Variants in IL1R2 observed in about 807,000 individuals in gnomAD.
IL1R2 encodes the protein interleukin-1 receptor type 2.
A neutral mutation model predicts 39.5 loss-of-function variants in IL1R2; 46 were observed. The ratio of observed to expected loss-of-function variants is 1.16; its 90% CI spans 0.92 to 1.49. IL1R2 has a LOEUF of 1.49. Among genes scored for constraint, IL1R2 ranks in the 40% most tolerant of loss-of-function variants. The pLI is 0.00. For synonymous variants in IL1R2, 207 were observed against 189.6 expected (o/e 1.09, Z -0.75); for missense variants, 537 against 502.0 (o/e 1.07, Z -0.67).
intron 1 of IL1R2, among the ~76,000 whole-genome samples, chr2:102,003,940 GGTCTGT>G (rs1194371203): frequency 7.5e-4 from 109 of 145,966 alleles, no homozygotes; most frequent in East Asian, 3.3e-3. Context: ...TCTAGGTCTA[GGTCTGT>G]GTCTGTGTCT....
chr2:102,014,667 G>A (rs565166017), intron 3 of IL1R2, among the ~76,000 whole-genome samples: 1 of 151,594 alleles, frequency 6.6e-6, no homozygotes, highest in South Asian at 2.1e-4. Context: ...TTACTTGTTT[G>A]GATATGGATG....
intron 4 of IL1R2, among the ~76,000 whole-genome samples, chr2:102,019,216 T>C (rs890104053): frequency 2.0e-5 from 3 of 152,182 alleles, no homozygotes; most frequent in African/African-American, 7.2e-5. Context: ...AAATGCTTTT[T>C]AAAGTAATTA....
chr2:102,019,211 C>A (rs185500515), intron 4 of IL1R2, among the ~76,000 whole-genome samples: 9 of 152,188 alleles, frequency 5.9e-5, no homozygotes, highest in Admixed American at 3.3e-4. Flanking sequence ...AATTGAAATG[C>A]TTTTTAAAGT....
rs759979263 is a variant in IL1R2, at chr2:102,015,874, TGCTTCTTA to T, written c.337_344del (p.Ala113LeufsTer2). The T allele has an allele frequency of 1.9e-6, 3 of 1,609,416 alleles. No homozygotes were observed. Among genetic ancestry groups the T allele is most frequent in the Admixed American group, 1.7e-5 (1 of 59,784 alleles). Reference sequence around the variant, plus strand: ...TTTTTTTTCCCTTTTAAATCAGAAATGCTTCTTACTGTGACAAAATGTCCATTGAGCTC... The same window carrying T: ...TTTTTTTTCCCTTTTAAATCAGAAATCTGTGACAAAATGTCCATTGAGCTC... On this transcript the variant is annotated frameshift_variant, in exon 4 of 9. Transcript: ENST00000332549. LOFTEE classifies it high-confidence loss of function.
intron 1 of IL1R2, among the ~76,000 whole-genome samples, chr2:101,992,590 AACAG>A (rs1264574504): frequency 2.6e-4 from 27 of 103,180 alleles, no homozygotes; most frequent in African/African-American, 1.0e-3. Flanking sequence ...GAGGCAGAGA[AACAG>A]ACAGAGATAG....
chr2:102,022,282 C>T, intron 6 of IL1R2, 33 bp downstream of exon 6: 2 of 1,572,412 alleles, frequency 1.3e-6, no homozygotes, highest in Non-Finnish European at 1.8e-6. Flanking sequence ...ATTCCACGCA[C>T]CTGTGGGGGT....
chr2:102,024,629 G>T lies in IL1R2; in HGVS notation c.848G>T (p.Ser283Ile), dbSNP rs551509426. Residue 283 changes from serine to isoleucine, a missense_variant, in exon 7 of 9, where the codon AGC (serine) becomes ATC (isoleucine). Physicochemically the swap from Ser to Ile is moderately radical, Grantham distance 142. Transcript: ENST00000332549. The part of the protein sequence containing the change: ...WWTANDTHIE[S>I]AYPGGRVTEG... ...ACGGCCAATGACACCCACATAGAGA[G>T]CGCCTACCCGGGAGGCCGCGTGACC... 1.2e-6 allele frequency: 2 copies of T among 1,614,122 alleles called. No individual in the cohort carries two copies. Among genetic ancestry groups the T allele is most frequent in the South Asian group, 2.2e-5 (2 of 91,080 alleles).
At chr2:101,992,317 AGAGACAGAGAGAGGCAGG>A (rs1675376862) in intron 1 of IL1R2, among the ~76,000 whole-genome samples, 1 of 150,444 alleles carries the variant, frequency 6.6e-6, no homozygotes, top group African/African-American at 2.5e-5. Flanking sequence ...AGAGAAAGAC[AGAGACAGAGAGAGGCAGG>A]GAGACAGAGA....
At chr2:101,992,277 A>C (rs2150414561) in intron 1 of IL1R2, among the ~76,000 whole-genome samples, 1 of 146,470 alleles carries the variant, frequency 6.8e-6, no homozygotes, top group South Asian at 2.3e-4. Context: ...AGAGAGAGAC[A>C]GAGGCAGAGA....
rs1232164193 is a variant in IL1R2 at position 102,008,565 on chromosome 2, T to C, written c.-11T>C. The C allele has an allele frequency of 1.2e-5, 19 of 1,613,420 alleles. No individual in the cohort carries two copies. The highest frequency in any genetic ancestry group is 1.6e-5 in the Non-Finnish European group (19 of 1,179,492). The stretch of plus-strand genomic sequence containing the variant: ...TCCACTTCCCGTGTCCTCTGGAAGT[T>C]GTCAGGAGCAATGTTGCGCTTGTAC... On this transcript the variant is annotated 5_prime_UTR_variant, in exon 2 of 9. Transcript: ENST00000332549.
intron 1 of IL1R2, among the ~76,000 whole-genome samples, chr2:101,999,572 G>A (rs1235671307): frequency 6.6e-6 from 1 of 152,202 alleles, no homozygotes; most frequent in Non-Finnish European, 1.5e-5. Flanking sequence ...CTCAAATCCA[G>A]ATTGACTTAG....
chr2:101,995,006 C>T (rs1675519180), intron 1 of IL1R2, among the ~76,000 whole-genome samples: 2 of 152,190 alleles, frequency 1.3e-5, no homozygotes, highest in Admixed American at 1.3e-4. Flanking sequence ...GATCCATGCC[C>T]TTGTATAATT....
intron 3 of IL1R2, among the ~76,000 whole-genome samples, chr2:102,015,041 T>C (rs3218894): frequency 0.027 from 4,182 of 152,118 alleles, 77 homozygotes; most frequent in South Asian, 0.054. Flanking sequence ...AAATCTTTTA[T>C]GGGTCTTACA....
In IL1R2 at chr2:101,997,027, CCTT is replaced by C. The variant is rs148138443; in HGVS notation, c.-62+5022_-62+5024del. ...TCACTCTTCCAGTTTCTCACCAGCA[CCTT>C]CTTCTAGCCAGGAAGAAGCCTGAGA... On this transcript the variant is annotated intron_variant, in intron 1 of 8. Transcript: ENST00000332549. Among the ~76,000 whole-genome samples, 602 of 152,266 alleles carry C rather than the reference CCTT, an allele frequency of 4.0e-3. 4 individuals carry two copies. Among genetic ancestry groups the C allele is most frequent in the African/African-American group, 0.014 (572 of 41,544 alleles).
At chr2:102,008,106 T>C (rs1445530563) in intron 1 of IL1R2, among the ~76,000 whole-genome samples, 3 of 151,934 alleles carry the variant, frequency 2.0e-5, no homozygotes, top group Admixed American at 6.6e-5. Context: ...ACATGGAGTA[T>C]TGGGATTAAA....
chr2:102,019,744 G>A lies in IL1R2; in HGVS notation c.620G>A (p.Cys207Tyr), dbSNP rs538224389. ...CTGGAAGATGCTGGCTATTACCGCT[G>A]TGTCCTGACATTTGCCCATGAAGGC... is the stretch of plus-strand genomic sequence containing the variant. ...VALEDAGYYR[C>Y]VLTFAHEGQQ... Residue 207 changes from cysteine to tyrosine, a missense_variant, in exon 5 of 9, where the codon TGT (cysteine) becomes TAT (tyrosine). Coordinates refer to ENST00000332549, the MANE Select transcript of IL1R2 (RefSeq NM_004633.4). 6.2e-7 allele frequency: 1 copy of A among 1,614,192 alleles called. No homozygotes were observed. The highest frequency in any genetic ancestry group is 1.1e-5 in the South Asian group (1 of 91,072).
intron 1 of IL1R2, among the ~76,000 whole-genome samples, chr2:102,007,401 A>G (rs1676335981): frequency 6.6e-6 from 1 of 152,150 alleles, no homozygotes; most frequent in African/African-American, 2.4e-5. Context: ...TCCGTAGGGG[A>G]TATAGGGAAA....
chr2:101,994,275 T>A (rs560549100), intron 1 of IL1R2, among the ~76,000 whole-genome samples: 29 of 152,022 alleles, frequency 1.9e-4, no homozygotes, highest in Non-Finnish European at 3.5e-4. Context: ...CAAAGCCTGT[T>A]TGACAATTAG....
rs114044439 is a variant in IL1R2, at chr2:102,019,376, G to A, written c.514-262G>A. ...GGCTTACTTTGTCAAAGAAGAGTTC[G>A]TCTCTTTTTTTTCCCCTTGGACAAA... On this transcript the variant is annotated intron_variant, in intron 4 of 8. Transcript: ENST00000332549. Among the ~76,000 whole-genome samples the A allele has an allele frequency of 8.6e-3, 1,309 of 152,240 alleles. 21 individuals are homozygous for A. The highest frequency in any genetic ancestry group is 0.03 in the African/African-American group (1,236 of 41,522).
Sources: gnomAD v4.1 joint callset for allele counts (sites outside exome capture counted in the v4.1 genomes callset) on GRCh38, gnomAD v4.1.1 for gene constraint, MANE v1.5 for transcripts, NCBI Gene and HGNC (gene_info 2026-07-23, HGNC 2026-07-21) for gene names.